ZNF362: variants seen among roughly 807,000 people sequenced by gnomAD.
ZNF362 encodes zinc finger protein 362, also known as rotund homolog.
ZNF362 carries 11 observed loss-of-function variants against 42.9 expected under a neutral mutation model. The observed-to-expected ratio is 0.26, with a 90% CI of 0.16 to 0.42. ZNF362 has a LOEUF of 0.42. Among genes scored for constraint, ZNF362 ranks in the 20% least tolerant of loss-of-function variants. ZNF362 has a pLI of 1.00. For missense variants in ZNF362, 362 were observed against 576.2 expected (o/e 0.63, Z 3.81); for synonymous variants, 255 against 257.3 (o/e 0.99, Z 0.09).
the ZNF362 span, among the ~76,000 whole-genome samples, chr1:33,207,681 T>A: frequency 6.6e-6 from 1 of 152,260 alleles, no homozygotes; most frequent in Non-Finnish European, 1.5e-5. Flanking sequence ...TGGTTTTGAT[T>A]TGCATTTCTC....
the ZNF362 span, among the ~76,000 whole-genome samples, chr1:33,186,960 G>A: frequency 1.3e-5 from 2 of 151,412 alleles, no homozygotes; most frequent in African/African-American, 4.9e-5. Flanking sequence ...GGGAGCATAA[G>A]TAACACTAAT....
chr1:33,243,722 G>A, the ZNF362 span, among the ~76,000 whole-genome samples: 5 of 149,880 alleles, frequency 3.3e-5, no homozygotes, highest in African/African-American at 4.9e-5. Context: ...TCAGCCTCCC[G>A]AATAGCTGGG....
At chr1:33,228,897 G>A in the ZNF362 span, among the ~76,000 whole-genome samples, 1 of 152,134 alleles carries the variant, frequency 6.6e-6, no homozygotes, top group Admixed American at 6.5e-5. Flanking sequence ...CCTGGCAATG[G>A]CTAACAAACT....
intron 6 of ZNF362, among the ~76,000 whole-genome samples, chr1:33,293,375 A>C (rs1646093718): frequency 6.6e-6 from 1 of 151,108 alleles, no homozygotes; most frequent in Non-Finnish European, 1.5e-5. Context: ...TGAAGGCTTG[A>C]ATGACATATA....
At chr1:33,217,190 C>T in the ZNF362 span, among the ~76,000 whole-genome samples, 2 of 152,180 alleles carry the variant, frequency 1.3e-5, no homozygotes, top group Non-Finnish European at 2.9e-5. Context: ...AGTAACAGCA[C>T]CATCTCAGTG....
At chr1:33,134,440 C>G in the ZNF362 span, among the ~76,000 whole-genome samples, 1 of 152,198 alleles carries the variant, frequency 6.6e-6, no homozygotes, top group East Asian at 1.9e-4. Flanking sequence ...AATACTGCCT[C>G]TGTTTATTTA....
chr1:33,164,360 G>A, the ZNF362 span: 20 of 152,250 alleles, frequency 1.3e-4, no homozygotes, highest in African/African-American at 3.9e-4. Context: ...CTGACAGAGC[G>A]GGGTCAGCCT....
intron 6 of ZNF362, among the ~76,000 whole-genome samples, chr1:33,291,581 GT>G (rs1646078457): frequency 6.6e-6 from 1 of 152,176 alleles, no homozygotes; most frequent in Non-Finnish European, 1.5e-5. Flanking sequence ...CTTTAAAGTA[GT>G]TTTTTCCAAT....
chr1:33,300,161 AAAACT>A lies in ZNF362; in HGVS notation c.*1117_*1121del, dbSNP rs1201188860. ...CCTACATCCCCCCGGGAAAAAAAAGAAAACTAGACAGAAACTCATCTATATATTCT... is the reference window on the plus strand; with the variant it reads ...CCTACATCCCCCCGGGAAAAAAAAGAAGACAGAAACTCATCTATATATTCT... On this transcript the variant is annotated 3_prime_UTR_variant, in exon 9 of 9. Coordinates refer to ENST00000539719, the MANE Select transcript of ZNF362 (RefSeq NM_152493.3). 3 of 152,748 alleles carry A rather than the reference AAAACT, an allele frequency of 2.0e-5. No homozygotes were observed. The highest frequency in any genetic ancestry group is 4.8e-5 in the African/African-American group (2 of 41,540). The allele number at this position is 152,748 out of a possible 1,614,324, so 9.5% of individuals were successfully genotyped here.
the ZNF362 span, chr1:33,142,468 T>A: frequency 6.6e-6 from 1 of 152,228 alleles, no homozygotes; most frequent in Non-Finnish European, 1.5e-5. Flanking sequence ...ACTTACAGAA[T>A]CCTGGACCAT....
intron 1 of ZNF362, among the ~76,000 whole-genome samples, chr1:33,264,998 G>A (rs1380289200): frequency 2.0e-5 from 3 of 151,892 alleles, no homozygotes; most frequent in Non-Finnish European, 4.4e-5. Flanking sequence ...CTACCTCATG[G>A]GGTCGTTAGG....
upstream of ZNF362, among the ~76,000 whole-genome samples, chr1:33,255,552 T>G (rs886710575): frequency 1.2e-4 from 19 of 152,114 alleles, no homozygotes; most frequent in African/African-American, 4.6e-4. Context: ...TCAGGAGGAC[T>G]TGGTGACTGA....
chr1:33,262,230 G>A (rs1377382174), intron 1 of ZNF362, among the ~76,000 whole-genome samples: 1 of 151,804 alleles, frequency 6.6e-6, no homozygotes, highest in Non-Finnish European at 1.5e-5. Context: ...TGGCCACAAG[G>A]GTACTCTTGG....
chr1:33,285,550 G>C (rs1368833977), intron 6 of ZNF362, among the ~76,000 whole-genome samples: 1 of 152,186 alleles, frequency 6.6e-6, no homozygotes, highest in Non-Finnish European at 1.5e-5. Context: ...AAATGTCTTT[G>C]TTGATGCTTG....
At chr1:33,181,093 A>G in the ZNF362 span, 2 of 1,599,488 alleles carry the variant, frequency 1.3e-6, no homozygotes, top group South Asian at 2.2e-5. The surrounding 1 kb of genome is among the most constrained non-coding windows in gnomAD (Gnocchi z 6.5). Context: ...GGCTCGTCGC[A>G]GAAGAAGCAG....
At chr1:33,152,466 C>T in the ZNF362 span, among the ~76,000 whole-genome samples, 309 of 151,744 alleles carry the variant, frequency 2.0e-3, no homozygotes, top group African/African-American at 7.2e-3. Flanking sequence ...ACTTGGGAGG[C>T]TGAGGCAGGA....
the ZNF362 span, chr1:33,165,367 C>T: frequency 2.7e-6 from 3 of 1,108,798 alleles, no homozygotes; most frequent in South Asian, 3.1e-5. The surrounding 1 kb of genome is among the most constrained non-coding windows in gnomAD (Gnocchi z 4.0). Flanking sequence ...GCCAGGTTTC[C>T]ACCGCACACC....
At chr1:33,139,742 T>C in the ZNF362 span, among the ~76,000 whole-genome samples, 1 of 152,154 alleles carries the variant, frequency 6.6e-6, no homozygotes, top group Non-Finnish European at 1.5e-5. Flanking sequence ...TTAGCCTGTA[T>C]TGGGCTGCTG....
the ZNF362 span, among the ~76,000 whole-genome samples, chr1:33,238,314 G>A: frequency 4.7e-4 from 6 of 12,822 alleles, no homozygotes; most frequent in African/African-American, 8.1e-4. Context: ...GTGAGGCTCC[G>A]TCTCAAAATA....
Sources: gnomAD v4.1 joint callset for allele counts (sites outside exome capture counted in the v4.1 genomes callset) on GRCh38, gnomAD v4.1.1 for gene constraint, Gnocchi (gnomAD v3.1) non-coding constraint, MANE v1.5 for transcripts, NCBI Gene and HGNC (gene_info 2026-07-23, HGNC 2026-07-21) for gene names.